The following PRKN variants were observed in gnomAD, a reference collection of about 807,000 sequenced individuals.
The protein encoded by PRKN is parkin RBR E3 ubiquitin protein ligase, also known as E3 ubiquitin-protein ligase parkin.
A neutral mutation model predicts 59.5 loss-of-function variants in PRKN; 56 were observed. The observed-to-expected ratio is 0.94, with a 90% CI of 0.76 to 1.18. The LOEUF (loss-of-function observed/expected upper bound fraction) is 1.18. PRKN is among the 50% of genes most tolerant of loss of function. PRKN has a pLI of 0.00. For synonymous variants in PRKN, 250 were observed against 222.1 expected, an observed-to-expected ratio of 1.13 and a Z score of -1.12; for missense variants, 657 against 596.4, an observed-to-expected ratio of 1.10 and a Z score of -1.06.
chr6:162,632,055 G>A (rs1047502553), intron 1 of PRKN, among the ~76,000 whole-genome samples: 2 of 151,902 alleles, frequency 1.3e-5, no homozygotes, highest in South Asian at 2.1e-4. Flanking sequence ...CACACTGTTG[G>A]TGGGAATGTA....
At chr6:161,917,165 A>G (rs1356975103) in intron 6 of PRKN, among the ~76,000 whole-genome samples, 1 of 150,500 alleles carries the variant, frequency 6.6e-6, no homozygotes, top group Non-Finnish European at 1.5e-5. Context: ...GAGTGCAATG[A>G]CACGATCTCG....
At chr6:162,489,491 G>C (rs1562325343) in intron 1 of PRKN, among the ~76,000 whole-genome samples, 1 of 152,116 alleles carries the variant, frequency 6.6e-6, no homozygotes, top group African/African-American at 2.4e-5. Flanking sequence ...GGACCAGTTT[G>C]TTTAAATTTA....
intron 1 of PRKN, among the ~76,000 whole-genome samples, chr6:162,459,472 T>A (rs996267030): frequency 1.3e-5 from 2 of 152,154 alleles, no homozygotes; most frequent in African/African-American, 4.8e-5. Context: ...CAGATCAAAA[T>A]TCACAATACA....
At position 161,386,342 on chromosome 6, in the gene PRKN, A is replaced by G. The variant is rs1427117663; in HGVS notation, c.1167+452T>C. ...ACTGAAACACCAGTTAGCATAGGGC[A>G]TGATGCTGCTAAAGGACAATGATAT... On this transcript the variant is annotated intron_variant, in intron 10 of 11. Transcript: ENST00000366898. The surrounding 1 kb of genome is among the most constrained non-coding windows in gnomAD (Gnocchi z 4.3). 6.6e-6 allele frequency among the ~76,000 whole-genome samples: 1 copy of G among 152,254 alleles called. No individual in the cohort carries two copies. Among genetic ancestry groups the G allele is most frequent in the African/African-American group, 2.4e-5 (1 of 41,476 alleles).
chr6:161,562,518 G>A lies in PRKN; in HGVS notation c.933+6837C>T, dbSNP rs919677950. ...GGTTTAAAATTTCCTCTACATGCTG[G>A]TAATTCCAAAGTTATCTCTCCATCT... On this transcript the variant is annotated intron_variant, in intron 8 of 11. Transcript: ENST00000366898. This position sits in a 1 kb window ranked among gnomAD's most constrained non-coding sequence, Gnocchi z 4.3. 6.6e-6 allele frequency among the ~76,000 whole-genome samples: 1 copy of A among 152,102 alleles called. No individual in the cohort carries two copies. The highest frequency in any genetic ancestry group is 6.5e-5 in the Admixed American group (1 of 15,278).
At chr6:162,083,024 A>G (rs1267416756) in intron 4 of PRKN, among the ~76,000 whole-genome samples, 2 of 152,012 alleles carry the variant, frequency 1.3e-5, no homozygotes, top group Non-Finnish European at 2.9e-5. Flanking sequence ...GCGCGATGTC[A>G]GCTCACTGCA....
At chr6:161,804,472 C>A (rs967966765) in intron 6 of PRKN, among the ~76,000 whole-genome samples, 1 of 152,188 alleles carries the variant, frequency 6.6e-6, no homozygotes, top group African/African-American at 2.4e-5. Context: ...CTGAAATCTG[C>A]CTCTGCCATC....
intron 2 of PRKN, among the ~76,000 whole-genome samples, chr6:162,331,028 G>A (rs1783547560): frequency 6.6e-6 from 1 of 152,026 alleles, no homozygotes; most frequent in African/African-American, 2.4e-5. Flanking sequence ...ACTCTATTAC[G>A]ATTTTAGAAA....
At chr6:161,817,028 A>G (rs1791813157) in intron 6 of PRKN, among the ~76,000 whole-genome samples, 1 of 152,098 alleles carries the variant, frequency 6.6e-6, no homozygotes, top group African/African-American at 2.4e-5. Flanking sequence ...GTACTCACAC[A>G]CACATAAAGT....
intron 6 of PRKN, among the ~76,000 whole-genome samples, chr6:161,911,291 C>G (rs1778351777): frequency 6.6e-6 from 1 of 152,120 alleles, no homozygotes. Flanking sequence ...AGTCGCTCCC[C>G]TTTGTGACAG....
intron 2 of PRKN, among the ~76,000 whole-genome samples, chr6:162,338,393 C>T (rs1428551899): frequency 6.6e-6 from 1 of 152,056 alleles, no homozygotes; most frequent in African/African-American, 2.4e-5. Flanking sequence ...CTGCCGAGTG[C>T]CTGCTACTGC....
chr6:162,401,001 A>T (rs1787765950), intron 2 of PRKN, among the ~76,000 whole-genome samples: 1 of 152,158 alleles, frequency 6.6e-6, no homozygotes, highest in Non-Finnish European at 1.5e-5. Flanking sequence ...AATATAGTAA[A>T]AACATTGATG....
intron 7 of PRKN, among the ~76,000 whole-genome samples, chr6:161,639,925 G>A (rs1316317205): frequency 6.6e-6 from 1 of 152,156 alleles, no homozygotes; most frequent in African/African-American, 2.4e-5. Flanking sequence ...AATACCATGA[G>A]GCTGCTTCTA....
At chr6:162,102,647 T>C (rs1226923043) in intron 4 of PRKN, among the ~76,000 whole-genome samples, 1 of 149,108 alleles carries the variant, frequency 6.7e-6, no homozygotes. Context: ...TCTTAAAGCA[T>C]GAAAGTTGGA....
chr6:162,201,018 G>T, intron 4 of PRKN, 113 bp downstream of exon 4: 2 of 1,185,398 alleles, frequency 1.7e-6, no homozygotes, highest in African/African-American at 1.5e-5. Context: ...CCACAGAAGA[G>T]AATGTCTTTT....
intron 4 of PRKN, among the ~76,000 whole-genome samples, chr6:162,192,758 T>C (rs73594265): frequency 0.063 from 9,643 of 152,194 alleles, 946 homozygotes; most frequent in African/African-American, 0.21. Context: ...ACATACTTTT[T>C]CAGAGTAATA....
intron 1 of PRKN, among the ~76,000 whole-genome samples, chr6:162,480,171 C>G (rs1349120376): frequency 1.3e-5 from 2 of 152,080 alleles, no homozygotes; most frequent in Non-Finnish European, 2.9e-5. Context: ...ATGTGCTGGA[C>G]TTTTACACAA....
chr6:162,117,093 G>A (rs1269796900), intron 4 of PRKN, among the ~76,000 whole-genome samples: 6 of 152,166 alleles, frequency 3.9e-5, no homozygotes, highest in Non-Finnish European at 8.8e-5. Context: ...GAAAGCAGCT[G>A]TAATTCACGA....
intron 7 of PRKN, among the ~76,000 whole-genome samples, chr6:161,681,998 GGAAA>G (rs1302166060): frequency 2.0e-5 from 3 of 152,242 alleles, no homozygotes; most frequent in African/African-American, 7.2e-5. Context: ...ACTCCTGAGA[GGAAA>G]GAGAGAGTCA....
Sources: gnomAD v4.1 joint callset for allele counts (sites outside exome capture counted in the v4.1 genomes callset) on GRCh38, gnomAD v4.1.1 for gene constraint, Gnocchi (gnomAD v3.1) non-coding constraint, MANE v1.5 for transcripts, NCBI Gene and HGNC (gene_info 2026-07-23, HGNC 2026-07-21) for gene names.